The following PATJ variants were observed in gnomAD, a reference collection of about 807,000 sequenced individuals.
The protein encoded by PATJ is PATJ crumbs cell polarity complex component.
In PATJ, 190 loss-of-function variants were observed where a neutral mutation model predicts 224.9. The observed-to-expected ratio is 0.84, with a 90% CI of 0.75 to 0.95. The LOEUF (loss-of-function observed/expected upper bound fraction) is 0.95. Ranked by LOEUF, PATJ falls within the 40% of genes least tolerant of loss-of-function variation. The pLI is 0.00. For missense variants in PATJ, 2,121 were observed against 2,270.3 expected (o/e 0.93, Z 1.34); for synonymous variants, 769 against 820.3 (o/e 0.94, Z 1.07).
chr1:61,774,425 T>C (rs1284240738), intron 6 of PATJ, among the ~76,000 whole-genome samples: 3 of 152,342 alleles, frequency 2.0e-5, no homozygotes, highest in East Asian at 3.9e-4. Context: ...GGGGAAACAC[T>C]TATGTCTTTT....
At position 61,793,562 on chromosome 1, in the gene PATJ, G is replaced by A. The variant is rs141053815; in HGVS notation, c.1169-1905G>A. 3.5e-3 allele frequency among the ~76,000 whole-genome samples: 539 copies of A among 152,030 alleles called. 2 individuals carry two copies. The highest frequency in any genetic ancestry group is 0.012 in the African/African-American group (504 of 41,496). On this transcript the variant is annotated intron_variant, in intron 9 of 43. Transcript: ENST00000642238. The stretch of plus-strand genomic sequence containing the variant: ...TCAAGACCAGCTTGGGCAACATGGT[G>A]AAACACTGTCTCTACAAAAAATAAA...
At chr1:61,951,832 T>G (rs1203542967) in intron 27 of PATJ, among the ~76,000 whole-genome samples, 2 of 152,176 alleles carry the variant, frequency 1.3e-5, no homozygotes, top group Non-Finnish European at 2.9e-5. Flanking sequence ...AGAGAGCAAG[T>G]TGGTGACTGT....
chr1:61,773,850 T>G (rs531943820), intron 6 of PATJ, among the ~76,000 whole-genome samples: 8 of 146,068 alleles, frequency 5.5e-5, no homozygotes, highest in Non-Finnish European at 9.1e-5. Flanking sequence ...GCCGGGCACT[T>G]TGGCTCACGC....
rs1673179038 is a variant in PATJ at position 61,914,612 on chromosome 1, C to T, written c.3518C>T (p.Ala1173Val). The change falls in exon 26 of 44, where the codon GCC (alanine) becomes GTC (valine). Residue 1173 changes from alanine to valine, a missense_variant. Coordinates refer to ENST00000642238, the MANE Select transcript of PATJ (RefSeq NM_001350145.3). ...GTCATTCCTAACGTACATAACAAGG[C>T]CAACAAAATCACCGGTAACCAGAAC... is the stretch of plus-strand genomic sequence containing the variant. ...PRVIPNVHNK[A>V]NKITGNQNQD... 1.9e-6 allele frequency: 3 copies of T among 1,578,804 alleles called. No homozygotes were observed. The highest frequency in any genetic ancestry group is 1.7e-6 in the Non-Finnish European group (2 of 1,148,824).
intron 7 of PATJ, among the ~76,000 whole-genome samples, chr1:61,783,312 C>T (rs1647731504): frequency 6.6e-6 from 1 of 151,692 alleles, no homozygotes; most frequent in Non-Finnish European, 1.5e-5. Flanking sequence ...GGCATGTTGC[C>T]TTTTGATTGA....
At chr1:62,136,927 AATC>A (rs1216981983) in intron 41 of PATJ, among the ~76,000 whole-genome samples, 13 of 152,272 alleles carry the variant, frequency 8.5e-5, no homozygotes, top group African/African-American at 2.9e-4. Context: ...TCTAAGGGCT[AATC>A]ATCTTCTTTC....
At chr1:62,116,741 A>G in intron 36 of PATJ, 62 bp downstream of exon 36, 2 of 1,483,434 alleles carry the variant, frequency 1.3e-6, no homozygotes, top group Non-Finnish European at 9.1e-7. Context: ...GAACTGTTCC[A>G]GTCTAGCTTG....
intron 6 of PATJ, among the ~76,000 whole-genome samples, chr1:61,774,726 TTG>T (rs1264512162): frequency 1.3e-5 from 2 of 152,244 alleles, no homozygotes; most frequent in Non-Finnish European, 2.9e-5. Context: ...ATGTCTTCCT[TTG>T]TAGTGCAACT....
At chr1:61,976,307 T>A (rs956878015) in intron 27 of PATJ, among the ~76,000 whole-genome samples, 1 of 152,056 alleles carries the variant, frequency 6.6e-6, no homozygotes, top group Non-Finnish European at 1.5e-5. Context: ...TTACTTACTT[T>A]GAGTTTAGGC....
intron 31 of PATJ, among the ~76,000 whole-genome samples, chr1:62,052,745 CAA>C (rs1264623283): frequency 2.4e-5 from 3 of 123,132 alleles, no homozygotes; most frequent in African/African-American, 3.0e-5. Flanking sequence ...ACCTCCGTCT[CAA>C]AAAAAAAAAA....
chr1:62,139,869 C>A (rs895997826), intron 41 of PATJ, among the ~76,000 whole-genome samples: 3 of 151,636 alleles, frequency 2.0e-5, no homozygotes, highest in African/African-American at 7.3e-5. Flanking sequence ...GGGTGATCAT[C>A]CCACCTCAGC....
At chr1:62,035,051 T>C (rs1470226792) in intron 29 of PATJ, among the ~76,000 whole-genome samples, 2 of 152,208 alleles carry the variant, frequency 1.3e-5, no homozygotes, top group Non-Finnish European at 2.9e-5. Context: ...TGAGCTTTAT[T>C]GTGGTGTTCA....
At chr1:61,871,984 G>T (rs1666707135) in intron 20 of PATJ, among the ~76,000 whole-genome samples, 1 of 151,920 alleles carries the variant, frequency 6.6e-6, no homozygotes, top group African/African-American at 2.4e-5. Flanking sequence ...GGGATTACAG[G>T]CTTGAGCCAC....
intron 27 of PATJ, among the ~76,000 whole-genome samples, chr1:61,958,960 G>T (rs1466578843): frequency 6.6e-6 from 1 of 152,102 alleles, no homozygotes; most frequent in Non-Finnish European, 1.5e-5. Context: ...GAGCCTAAAT[G>T]TGAGCCTTTA....
intron 20 of PATJ, among the ~76,000 whole-genome samples, chr1:61,871,170 GA>G (rs570476621): frequency 0.025 from 2,989 of 117,930 alleles, 97 homozygotes; most frequent in African/African-American, 0.089. Context: ...TTCTCTATTT[GA>G]AAAAAAAAAC....
chr1:62,152,354 C>T (rs1307547386), intron 42 of PATJ, among the ~76,000 whole-genome samples: 2 of 143,894 alleles, frequency 1.4e-5, no homozygotes, highest in East Asian at 1.9e-4. Flanking sequence ...CAGGGCGTTC[C>T]GGCAGAAAAG....
chr1:61,853,721 C>T (rs377186123), intron 17 of PATJ, among the ~76,000 whole-genome samples: 43 of 152,312 alleles, frequency 2.8e-4, no homozygotes, highest in East Asian at 2.5e-3. Context: ...CGTCGATTGC[C>T]TGCTGATATG....
At chr1:61,995,261 G>A (rs993572108) in intron 28 of PATJ, among the ~76,000 whole-genome samples, 2 of 151,966 alleles carry the variant, frequency 1.3e-5, no homozygotes, top group Non-Finnish European at 2.9e-5. Context: ...TATTTTTATC[G>A]TCTCTCCCTC....
At chr1:61,867,573 AT>A (rs59246792) in intron 20 of PATJ, among the ~76,000 whole-genome samples, 21 of 145,400 alleles carry the variant, frequency 1.4e-4, no homozygotes, top group South Asian at 2.2e-4. Flanking sequence ...AATCTGTAAA[AT>A]TTTTTTTTTT....
Sources: allele counts gnomAD v4.1 joint callset (sites outside exome capture counted in the v4.1 genomes callset), GRCh38; gene constraint gnomAD v4.1.1; transcripts MANE v1.5; gene names NCBI Gene and HGNC (gene_info 2026-07-23, HGNC 2026-07-21).